Variants in NEK10 observed in about 807,000 individuals in gnomAD.
NEK10 encodes NIMA related kinase 10.
Under a neutral mutation model 159.8 loss-of-function variants are expected in NEK10, and 122 were observed. That is an observed-to-expected ratio of 0.76 (90% CI 0.66 to 0.89). The LOEUF (loss-of-function observed/expected upper bound fraction) is 0.89, where lower values mean the gene tolerates loss of function less well. Among genes scored for constraint, NEK10 ranks in the 40% least tolerant of loss-of-function variants. The pLI is 0.00. For synonymous variants in NEK10, 466 were observed against 457.1 expected (o/e 1.02, Z -0.25); for missense variants, 1,342 against 1,323.1 (o/e 1.01, Z -0.22).
chr3:27,192,628 C>T (rs139436547), intron 25 of NEK10, among the ~76,000 whole-genome samples: 1 of 150,598 alleles, frequency 6.6e-6, no homozygotes, highest in African/African-American at 2.4e-5. Context: ...AGTGTCTAAA[C>T]CTTTCATTAG....
intron 23 of NEK10, among the ~76,000 whole-genome samples, chr3:27,228,703 C>T (rs2149196116): frequency 6.6e-6 from 1 of 152,226 alleles, no homozygotes; most frequent in East Asian, 1.9e-4. Flanking sequence ...AGGAGCACTC[C>T]CCAGATTCAG....
chr3:27,115,998 A>T lies in NEK10; in HGVS notation c.3244-3T>A, dbSNP rs1940361663. The T allele has an allele frequency of 6.2e-7, 1 of 1,612,830 alleles. No homozygotes were observed. Among genetic ancestry groups the T allele is most frequent in the African/African-American group, 1.3e-5 (1 of 74,912 alleles). On this transcript the variant is annotated splice_region_variant and splice_polypyrimidine_tract_variant and intron_variant, in intron 34 of 35. Transcript: ENST00000691995. ...TCAAGGACTTCTTCAATCACAGTCT[A>T]AAATTTTAAAAATCAGGTTAGTATT...
At chr3:27,129,616 A>C (rs1018779582) in intron 32 of NEK10, among the ~76,000 whole-genome samples, 2 of 152,168 alleles carry the variant, frequency 1.3e-5, no homozygotes, top group Non-Finnish European at 2.9e-5. Flanking sequence ...TCAGTATACC[A>C]ATAAAGAATG....
intron 13 of NEK10, among the ~76,000 whole-genome samples, chr3:27,300,270 GT>G (rs923833361): frequency 4.0e-5 from 6 of 151,684 alleles, no homozygotes; most frequent in African/African-American, 1.5e-4. Context: ...TTTTTAAAAT[GT>G]TTTTTTTGTA....
At chr3:27,239,968 G>C (rs1309913272) in intron 23 of NEK10, among the ~76,000 whole-genome samples, 4 of 152,102 alleles carry the variant, frequency 2.6e-5, no homozygotes, top group African/African-American at 9.7e-5. Context: ...CCCTCAGTCT[G>C]TTATGAAGAT....
chr3:27,339,846 A>C (rs1031814614), intron 5 of NEK10, among the ~76,000 whole-genome samples: 17 of 151,934 alleles, frequency 1.1e-4, no homozygotes, highest in African/African-American at 4.1e-4. Context: ...ATTATTAAAA[A>C]GTCAGGAAAC....
At chr3:27,120,636 G>C (rs906178819) in intron 32 of NEK10, among the ~76,000 whole-genome samples, 1 of 151,866 alleles carries the variant, frequency 6.6e-6, no homozygotes, top group Non-Finnish European at 1.5e-5. Context: ...GGCCAAATAA[G>C]TTTCTTAATA....
rs1950184101 is a variant in NEK10, at chr3:27,203,017, C to T, written c.2091-460G>A. On this transcript the variant is annotated intron_variant, in intron 23 of 35. Coordinates refer to ENST00000691995, the MANE Select transcript of NEK10 (RefSeq NM_001394966.1). ...GAAGTGACAATAACCTGATTAGAGC[C>T]TCAGTCTGAACAGGTACTGAGGGCT... 2.0e-5 allele frequency among the ~76,000 whole-genome samples: 3 copies of T among 152,192 alleles called. No homozygotes were observed. The South Asian group carries it at 6.2e-4, about 32-fold the overall frequency.
At chr3:27,340,051 T>C (rs1385087649) in intron 5 of NEK10, among the ~76,000 whole-genome samples, 1 of 152,172 alleles carries the variant, frequency 6.6e-6, no homozygotes, top group Non-Finnish European at 1.5e-5. Context: ...TAAAGACACA[T>C]GCACATATAT....
At chr3:27,337,200 C>T (rs183461422) in intron 5 of NEK10, among the ~76,000 whole-genome samples, 2 of 151,996 alleles carry the variant, frequency 1.3e-5, no homozygotes, top group East Asian at 1.9e-4. Context: ...AAAAAGAAAT[C>T]AAGAGGACAA....
At chr3:27,300,340 C>T (rs2043713652) in intron 13 of NEK10, among the ~76,000 whole-genome samples, 1 of 152,036 alleles carries the variant, frequency 6.6e-6, no homozygotes, top group Non-Finnish European at 1.5e-5. Context: ...TGCCATCATC[C>T]ACGTAAGATG....
chr3:27,328,463 T>G (rs1231738580), intron 5 of NEK10, among the ~76,000 whole-genome samples: 2 of 152,146 alleles, frequency 1.3e-5, no homozygotes, highest in African/African-American at 4.8e-5. Flanking sequence ...GATGTCTAGG[T>G]CAGAACAGCA....
rs1252464948 is a variant in NEK10, at chr3:27,284,896, A to G, written c.1855T>C (p.Leu619=). 10 of 1,599,086 alleles carry G rather than the reference A, an allele frequency of 6.3e-6. No homozygotes were observed. Among genetic ancestry groups the G allele is most frequent in the Non-Finnish European group, 8.6e-6 (10 of 1,166,598 alleles). Residue 619 remains leucine, a synonymous_variant, in exon 21 of 36, where the codon TTG becomes CTG. Transcript: ENST00000691995. ...GTAAAATGGTGATGTTTTTCCTTCA[A>G]AGAACTGAAATGCTCTCCAAGCGGG... ...GAPLGEHFSS[L]KEKHHHFTEE... is the part of the protein sequence containing the mutation.
chr3:27,308,890 GC>G, intron 10 of NEK10, 35 bp downstream of exon 10: 1 of 1,025,644 alleles, frequency 9.7e-7, no homozygotes, highest in Non-Finnish European at 1.5e-6. Context: ...TGCTATAGTA[GC>G]AGAACTGGAA....
Position 27,202,553 on chromosome 3 carries a change from CG to C in NEK10, c.2094del (p.Glu699ArgfsTer3). The C allele has an allele frequency of 6.2e-7, 1 of 1,600,686 alleles. No homozygotes were observed. The highest frequency in any genetic ancestry group is 8.5e-7 in the Non-Finnish European group (1 of 1,172,308). ...SVVGTILYSC[P>X]EVLKSEPYGE... ...CCATACGGCTCACTCTTCAGTACCT[CG>C]GGGCTGAAGTAAAATAAGGACATTA... On this transcript the variant is annotated frameshift_variant, in exon 24 of 36. Coordinates refer to ENST00000691995, the MANE Select transcript of NEK10 (RefSeq NM_001394966.1). LOFTEE classifies it high-confidence loss of function.
chr3:27,162,441 T>C (rs757012406), intron 30 of NEK10: 2 of 1,611,422 alleles, frequency 1.2e-6, no homozygotes, highest in Admixed American at 1.7e-5. Flanking sequence ...TTAACATCAA[T>C]GTGATCTAGT....
chr3:27,194,411 G>T (rs1341052184), intron 25 of NEK10: 2 of 152,088 alleles, frequency 1.3e-5, no homozygotes, highest in Non-Finnish European at 2.9e-5. Flanking sequence ...CACCGCGCCC[G>T]GCCTCAGAGA....
At chr3:27,235,010 G>A (rs1183476194) in intron 23 of NEK10, among the ~76,000 whole-genome samples, 3 of 152,054 alleles carry the variant, frequency 2.0e-5, no homozygotes, top group African/African-American at 7.2e-5. Flanking sequence ...AACAAGCAAT[G>A]GGGAAAGGAT....
intron 7 of NEK10, among the ~76,000 whole-genome samples, chr3:27,313,133 C>T (rs1233718978): frequency 2.0e-5 from 3 of 151,078 alleles, no homozygotes; most frequent in Admixed American, 1.3e-4. Context: ...GGCATGGTGG[C>T]GCATGCCTGT....
Sources: gnomAD v4.1 joint callset for allele counts (sites outside exome capture counted in the v4.1 genomes callset) on GRCh38, gnomAD v4.1.1 for gene constraint, MANE v1.5 for transcripts, NCBI Gene and HGNC (gene_info 2026-07-23, HGNC 2026-07-21) for gene names.